The following PCNX2 variants were observed in gnomAD, a reference collection of about 807,000 sequenced individuals.
PCNX2 encodes the protein pecanex 2.
A neutral mutation model predicts 223.8 loss-of-function variants in PCNX2; 168 were observed. The observed-to-expected ratio is 0.75, with a 90% CI of 0.66 to 0.85. The LOEUF (loss-of-function observed/expected upper bound fraction) is 0.85, where lower values mean the gene tolerates loss of function less well. Among genes scored for constraint, PCNX2 ranks in the 40% least tolerant of loss-of-function variants. The pLI is 0.00. For synonymous variants in PCNX2, 1,006 were observed against 1,052.6 expected (o/e 0.96, Z 0.86); for missense variants, 2,507 against 2,675.5 (o/e 0.94, Z 1.39).
upstream of PCNX2, among the ~76,000 whole-genome samples, chr1:233,296,207 C>T (rs1447207670): frequency 6.6e-6 from 1 of 152,052 alleles, no homozygotes; most frequent in Non-Finnish European, 1.5e-5. Context: ...ACTTCCTGCA[C>T]GACTTCATTC....
the PCNX2 span, among the ~76,000 whole-genome samples, chr1:233,313,228 G>T: frequency 6.6e-6 from 1 of 152,288 alleles, no homozygotes; most frequent in Middle Eastern, 3.4e-3. Context: ...GCAATGCTCC[G>T]CTCCTTGATC....
At chr1:233,040,949 T>C (rs1380255572) in intron 25 of PCNX2, among the ~76,000 whole-genome samples, 1 of 152,182 alleles carries the variant, frequency 6.6e-6, no homozygotes, top group Non-Finnish European at 1.5e-5. Context: ...TCATTTCCTC[T>C]AATCGTTCAA....
chr1:233,231,659 T>A (rs1658071647), intron 9 of PCNX2: 1 of 984,636 alleles, frequency 1.0e-6, no homozygotes, highest in African/African-American at 1.8e-5. Flanking sequence ...AGTAGAAGAG[T>A]GAACAGTAGA....
chr1:233,301,801 T>TTC, the PCNX2 span, among the ~76,000 whole-genome samples: 3 of 150,852 alleles, frequency 2.0e-5, no homozygotes, highest in East Asian at 5.8e-4. Flanking sequence ...CAAGCTTTTT[T>TTC]TTTTTTTTTT....
At chr1:233,112,246 C>A (rs1379529298) in intron 21 of PCNX2, among the ~76,000 whole-genome samples, 2 of 152,114 alleles carry the variant, frequency 1.3e-5, no homozygotes, top group Non-Finnish European at 2.9e-5. Context: ...AATGTACATC[C>A]TATAAAACAA....
intron 15 of PCNX2, among the ~76,000 whole-genome samples, chr1:233,191,185 C>T (rs79984049): frequency 0.087 from 13,292 of 152,200 alleles, 1,387 homozygotes; most frequent in African/African-American, 0.26. Flanking sequence ...TAATTATGGG[C>T]GTTCAGCATT....
At chr1:233,143,074 T>C (rs1677222786) in intron 19 of PCNX2, among the ~76,000 whole-genome samples, 2 of 152,212 alleles carry the variant, frequency 1.3e-5, no homozygotes, top group South Asian at 4.1e-4. Flanking sequence ...CTCCTGGACT[T>C]CAGATCTAAA....
intron 21 of PCNX2, among the ~76,000 whole-genome samples, chr1:233,115,829 T>A (rs1186132219): frequency 1.3e-5 from 2 of 152,164 alleles, no homozygotes; most frequent in African/African-American, 4.8e-5. Flanking sequence ...ATGATTACAT[T>A]AAATGAAATG....
chr1:233,257,117 A>T (rs1298576393), intron 5 of PCNX2, among the ~76,000 whole-genome samples: 1 of 152,244 alleles, frequency 6.6e-6, no homozygotes, highest in Non-Finnish European at 1.5e-5. Flanking sequence ...CCATGAGGAA[A>T]CTGAGGCCCA....
intron 19 of PCNX2, among the ~76,000 whole-genome samples, chr1:233,148,321 A>T (rs955525486): frequency 2.0e-5 from 3 of 152,204 alleles, no homozygotes; most frequent in Admixed American, 6.5e-5. Flanking sequence ...AATATCAAGA[A>T]ATGACAAAGT....
At chr1:233,265,965 C>A (rs1660308895) in intron 1 of PCNX2, among the ~76,000 whole-genome samples, 1 of 152,014 alleles carries the variant, frequency 6.6e-6, no homozygotes, top group Non-Finnish European at 1.5e-5. Context: ...TAAGTGAGGG[C>A]AAGAAGTTAG....
chr1:233,221,375 A>T lies in PCNX2; in HGVS notation c.2505-3191T>A, dbSNP rs377570301. Among the ~76,000 whole-genome samples, 1,083 of 152,196 alleles carry T rather than the reference A, an allele frequency of 7.1e-3. 16 individuals are homozygous for T. Among genetic ancestry groups the T allele is most frequent in the African/African-American group, 0.025 (1,028 of 41,526 alleles). ...AAATATCCAAAGGTCTTTGAAATAAAATTTCAAAGAAAAAAAAAACCTTTT... is the reference window on the plus strand; with the variant it reads ...AAATATCCAAAGGTCTTTGAAATAATATTTCAAAGAAAAAAAAAACCTTTT... On this transcript the variant is annotated intron_variant, in intron 10 of 33. Transcript: ENST00000258229.
At chr1:233,075,372 C>A (rs559232692) in intron 23 of PCNX2, among the ~76,000 whole-genome samples, 2 of 151,918 alleles carry the variant, frequency 1.3e-5, no homozygotes, top group Admixed American at 6.5e-5. Context: ...CTTGGAATGA[C>A]AAAATTATAA....
At chr1:233,072,228 T>C (rs542613180) in intron 23 of PCNX2, among the ~76,000 whole-genome samples, 8 of 152,342 alleles carry the variant, frequency 5.3e-5, no homozygotes, top group African/African-American at 1.9e-4. Flanking sequence ...TGTTCCTATA[T>C]CAAAATGGTA....
chr1:233,081,904 A>G (rs1424979047), intron 23 of PCNX2, among the ~76,000 whole-genome samples: 1 of 152,076 alleles, frequency 6.6e-6, no homozygotes, highest in Non-Finnish European at 1.5e-5. Flanking sequence ...CTTTCCAGAC[A>G]GGCCTCTCTG....
intron 19 of PCNX2, among the ~76,000 whole-genome samples, chr1:233,155,788 GGGATCAATCA>G (rs1314261486): frequency 6.6e-6 from 1 of 152,074 alleles, no homozygotes; most frequent in South Asian, 2.1e-4. Flanking sequence ...CTTTATGACT[GGGATCAATCA>G]ATAAAGTCAT....
intron 21 of PCNX2, among the ~76,000 whole-genome samples, chr1:233,102,486 C>T (rs1042816649): frequency 6.6e-6 from 1 of 152,118 alleles, no homozygotes; most frequent in Non-Finnish European, 1.5e-5. Context: ...TATTCATTCA[C>T]TTTCCCGCCA....
At chr1:233,249,035 G>T (rs1659296387) in intron 8 of PCNX2, among the ~76,000 whole-genome samples, 1 of 152,158 alleles carries the variant, frequency 6.6e-6, no homozygotes, top group South Asian at 2.1e-4. Context: ...AAATTTACGG[G>T]GAGAAAGCAA....
At chr1:233,237,972 A>G (rs1354266469) in intron 8 of PCNX2, among the ~76,000 whole-genome samples, 1 of 152,266 alleles carries the variant, frequency 6.6e-6, no homozygotes, top group East Asian at 1.9e-4. Context: ...TAACAAAAGT[A>G]AAAGACAGTC....
Sources: gnomAD v4.1 joint callset for allele counts (sites outside exome capture counted in the v4.1 genomes callset) on GRCh38, gnomAD v4.1.1 for gene constraint, MANE v1.5 for transcripts, NCBI Gene and HGNC (gene_info 2026-07-23, HGNC 2026-07-21) for gene names.